The following ELN variants were observed in gnomAD, a reference collection of about 807,000 sequenced individuals.
ELN encodes elastin, also known as tropoelastin.
Under a neutral mutation model 105.8 loss-of-function variants are expected in ELN, and 65 were observed. The ratio of observed to expected loss-of-function variants is 0.61; its 90% CI spans 0.50 to 0.75. ELN has a LOEUF of 0.75. ELN is among the 30% of genes least tolerant of loss of function. The probability of loss-of-function intolerance (pLI) is 0.00; values close to 1 mark genes in which losing one functional copy is unlikely to be tolerated. For synonymous variants in ELN, 368 were observed against 389.2 expected, an observed-to-expected ratio of 0.95 and a Z score of 0.64; for missense variants, 882 against 969.4, an observed-to-expected ratio of 0.91 and a Z score of 1.20.
intron 22 of ELN, among the ~76,000 whole-genome samples, chr7:74,058,639 AGCCACCACACCCG>A (rs1274533717): frequency 1.3e-5 from 2 of 152,160 alleles, no homozygotes. Flanking sequence ...TACAGGCGTG[AGCCACCACACCCG>A]GCCTGCAGTA....
At chr7:74,041,180 A>G (rs782046243) in intron 4 of ELN, 36 bp from the exon 5 acceptor site, 1 of 1,613,830 alleles carries the variant, frequency 6.2e-7, no homozygotes, top group Non-Finnish European at 8.5e-7. Context: ...GCCTAGGAAC[A>G]CTGCCTACAC....
intron 9 of ELN, 106 bp from the exon 10 acceptor site, chr7:74,045,116 C>G (rs1792158741): frequency 7.8e-7 from 1 of 1,277,914 alleles, no homozygotes; most frequent in South Asian, 1.2e-5. Flanking sequence ...CTGTCACTGA[C>G]AGTCAGTCCC....
intron 1 of ELN, among the ~76,000 whole-genome samples, chr7:74,034,695 ACT>A (rs1317502031): frequency 1.3e-5 from 2 of 151,490 alleles, no homozygotes; most frequent in African/African-American, 2.4e-5. Flanking sequence ...ACAGAGCAAG[ACT>A]CTGTCTCAAA....
At chr7:74,042,042 A>G (rs1554668792) in intron 5 of ELN, among the ~76,000 whole-genome samples, 1 of 151,132 alleles carries the variant, frequency 6.6e-6, no homozygotes, top group African/African-American at 2.4e-5. Context: ...GCCCAGCCAC[A>G]AGACCCCATC....
chr7:74,056,815 G>T (rs1795345449), intron 21 of ELN, 102 bp downstream of exon 21: 3 of 1,507,710 alleles, frequency 2.0e-6, no homozygotes, highest in Non-Finnish European at 2.7e-6. Context: ...GACTGAAATG[G>T]CCTGGACCAA....
At chr7:74,042,900 TGCTGGGCCCTCAGCATGCA>T in intron 6 of ELN, 65 bp from the exon 7 acceptor site, 1 of 1,607,122 alleles carries the variant, frequency 6.2e-7, no homozygotes. Flanking sequence ...CAGACCTCAA[TGCTGGGCCCTCAGCATGCA>T]GCCCCGGGCC....
chr7:74,033,279 T>C (rs1390208288), intron 1 of ELN, among the ~76,000 whole-genome samples: 1 of 152,216 alleles, frequency 6.6e-6, no homozygotes, highest in Non-Finnish European at 1.5e-5. Context: ...CCCTGCAGTC[T>C]GCTCTGGAGC....
chr7:74,068,724 G>A lies in ELN; in HGVS notation c.*24G>A, dbSNP rs572506935. The stretch of plus-strand genomic sequence containing the variant: ...GAGCTTCCTAGGACCCCTGACTCAC[G>A]ACCTCATCAACGTTGGTGCTACTGC... On this transcript the variant is annotated 3_prime_UTR_variant, in exon 33 of 33. Transcript: ENST00000252034. The A allele has an allele frequency of 1.3e-5, 21 of 1,613,784 alleles. No individual in the cohort carries two copies. The highest frequency in any genetic ancestry group is 8.0e-5 in the African/African-American group (6 of 74,972).
chr7:74,030,048 G>A (rs1037508595), intron 1 of ELN, among the ~76,000 whole-genome samples: 4 of 152,226 alleles, frequency 2.6e-5, no homozygotes, highest in Non-Finnish European at 5.9e-5. Context: ...TGTCCTCAGT[G>A]ACACCGCTAA....
At chr7:74,032,427 G>C (rs60997148) in intron 1 of ELN, among the ~76,000 whole-genome samples, 152,322 of 152,322 alleles carry the variant, frequency 1, 76,161 homozygotes, top group Non-Finnish European at 1. Flanking sequence ...AGTGAGGATC[G>C]CCACGGGGCC....
At chr7:74,053,802 G>A (rs1232379549) in intron 18 of ELN, among the ~76,000 whole-genome samples, 2 of 151,820 alleles carry the variant, frequency 1.3e-5, no homozygotes, top group African/African-American at 4.8e-5. Flanking sequence ...ATGAATGGGT[G>A]GATAGATGGG....
At chr7:74,050,706 C>G (rs1293666025) in intron 15 of ELN, among the ~76,000 whole-genome samples, 3 of 152,254 alleles carry the variant, frequency 2.0e-5, no homozygotes, top group Admixed American at 2.0e-4. Flanking sequence ...CCCACCCATC[C>G]ATATCAGAGA....
In ELN at chr7:74,060,374, A is replaced by G; in HGVS notation, c.1622-2A>G. The G allele has an allele frequency of 6.2e-7, 1 of 1,614,128 alleles. No homozygotes were observed. The highest frequency in any genetic ancestry group is 8.5e-7 in the Non-Finnish European group (1 of 1,180,040). On this transcript the variant is annotated splice_acceptor_variant, in intron 24 of 32. Coordinates refer to ENST00000252034, the MANE Select transcript of ELN (RefSeq NM_000501.4). LOFTEE classifies it high-confidence loss of function. ...GTCGCCACCACTGCCCTCTGTCTGC[A>G]GGAGCTGCAGCTGGGCTTGGTGCTG... is the stretch of plus-strand genomic sequence containing the variant.
At chr7:74,066,057 G>C in intron 31 of ELN, 60 bp downstream of exon 31, 1 of 1,608,780 alleles carries the variant, frequency 6.2e-7, no homozygotes, top group Non-Finnish European at 8.5e-7. Context: ...GAGGGGGCCT[G>C]TCCATCTAGC....
intron 15 of ELN, among the ~76,000 whole-genome samples, chr7:74,050,801 A>C (rs1793871679): frequency 6.6e-6 from 1 of 152,110 alleles, no homozygotes; most frequent in Non-Finnish European, 1.5e-5. Context: ...CTACCTGAGG[A>C]AAGTTAGAAA....
At chr7:74,053,735 G>A (rs1794637250) in intron 18 of ELN, among the ~76,000 whole-genome samples, 1 of 151,170 alleles carries the variant, frequency 6.6e-6, no homozygotes, top group South Asian at 2.1e-4. Context: ...TGGGTGGATG[G>A]ATGGATGGGT....
At chr7:74,041,444 T>C (rs1419296749) in intron 5 of ELN, among the ~76,000 whole-genome samples, 193 bp downstream of exon 5, 2 of 152,198 alleles carry the variant, frequency 1.3e-5, no homozygotes, top group African/African-American at 4.8e-5. Flanking sequence ...GCTGAGTACC[T>C]GGGTTCCTTT....
intron 4 of ELN, among the ~76,000 whole-genome samples, chr7:74,038,824 A>C (rs1485880663): frequency 6.6e-6 from 1 of 152,254 alleles, no homozygotes; most frequent in African/African-American, 2.4e-5. Context: ...CTGCGCTAAA[A>C]GTCCATCTGG....
In ELN at chr7:74,068,778, C is replaced by G. The variant is rs967355706; in HGVS notation, c.*78C>G. The G allele has an allele frequency of 6.4e-7, 1 of 1,563,792 alleles. No individual in the cohort carries two copies. The highest frequency in any genetic ancestry group is 8.8e-7 in the Non-Finnish European group (1 of 1,134,640). On this transcript the variant is annotated 3_prime_UTR_variant, in exon 33 of 33. Transcript: ENST00000252034. ...GTGGAGAATGTAAACCCTTTGTAACCCCATCCCATGCCCCTCCGACTCCCC... is the reference window on the plus strand; with the variant it reads ...GTGGAGAATGTAAACCCTTTGTAACGCCATCCCATGCCCCTCCGACTCCCC...
Sources: gnomAD v4.1 joint callset for allele counts (sites outside exome capture counted in the v4.1 genomes callset) on GRCh38, gnomAD v4.1.1 for gene constraint, MANE v1.5 for transcripts, NCBI Gene and HGNC (gene_info 2026-07-23, HGNC 2026-07-21) for gene names.